Variants in KCNK13 observed in about 807,000 individuals in gnomAD.
KCNK13 encodes potassium channel subfamily K member 13.
A neutral mutation model predicts 23.4 loss-of-function variants in KCNK13; 12 were observed. The ratio of observed to expected loss-of-function variants is 0.51; its 90% CI spans 0.33 to 0.83. KCNK13 has a LOEUF of 0.83. Among genes scored for constraint, KCNK13 ranks in the 40% least tolerant of loss-of-function variants. The probability of loss-of-function intolerance (pLI) is 0.02; values close to 1 mark genes in which losing one functional copy is unlikely to be tolerated. For synonymous variants in KCNK13, 231 were observed against 229.5 expected (o/e 1.01, Z -0.06); for missense variants, 463 against 556.3 (o/e 0.83, Z 1.69).
intron 1 of KCNK13, among the ~76,000 whole-genome samples, chr14:90,069,030 C>CTTTTTT (rs34881625): frequency 1.9e-4 from 17 of 90,116 alleles, no homozygotes; most frequent in East Asian, 3.6e-4. Context: ...AGTTTTTATT[C>CTTTTTT]TTTTTTTTTT....
At chr14:90,126,480 G>C (rs978517625) in intron 1 of KCNK13, among the ~76,000 whole-genome samples, 7 of 151,998 alleles carry the variant, frequency 4.6e-5, no homozygotes, top group African/African-American at 1.5e-4. Flanking sequence ...GACGTGATGA[G>C]AATAGCACTT....
intron 1 of KCNK13, among the ~76,000 whole-genome samples, chr14:90,149,425 C>T (rs1192491439): frequency 6.6e-6 from 1 of 152,196 alleles, no homozygotes; most frequent in African/African-American, 2.4e-5. Context: ...GCCTCACAAT[C>T]ATGGTAGAAG....
At chr14:90,108,017 G>T in intron 1 of KCNK13, 1 of 675,054 alleles carries the variant, frequency 1.5e-6, no homozygotes, top group South Asian at 1.5e-5. Flanking sequence ...GCCACACGCT[G>T]ACTTTCCTCC....
intron 1 of KCNK13, among the ~76,000 whole-genome samples, chr14:90,115,046 T>A (rs1352164038): frequency 2.0e-5 from 3 of 152,198 alleles, no homozygotes; most frequent in Non-Finnish European, 4.4e-5. Context: ...AAATCACTTC[T>A]ACCAACCCAA....
chr14:90,116,656 C>T (rs1160368518), intron 1 of KCNK13, among the ~76,000 whole-genome samples: 1 of 152,104 alleles, frequency 6.6e-6, no homozygotes, highest in African/African-American at 2.4e-5. Context: ...GCGTGAGCTT[C>T]GGGTTTGCAA....
At chr14:90,158,239 G>A (rs937342679) in intron 1 of KCNK13, among the ~76,000 whole-genome samples, 2 of 152,230 alleles carry the variant, frequency 1.3e-5, no homozygotes, top group African/African-American at 4.8e-5. Context: ...GGCTGGCCTG[G>A]TGTTCCATCT....
At chr14:90,177,161 C>T (rs1200950558) in intron 1 of KCNK13, 1 of 152,258 alleles carries the variant, frequency 6.6e-6, no homozygotes, top group Admixed American at 6.5e-5. Context: ...CGCAACTGCA[C>T]TCCAGCCTGA....
chr14:90,153,707 A>G (rs1890162071), intron 1 of KCNK13, among the ~76,000 whole-genome samples: 1 of 152,214 alleles, frequency 6.6e-6, no homozygotes, highest in African/African-American at 2.4e-5. Context: ...GGAGTACTGA[A>G]AAGGGATCAT....
chr14:90,175,274 T>C (rs770885919), intron 1 of KCNK13, among the ~76,000 whole-genome samples: 2 of 152,156 alleles, frequency 1.3e-5, no homozygotes, highest in Non-Finnish European at 2.9e-5. Flanking sequence ...TTTCCATGCT[T>C]GTGGGTTTGG....
At chr14:90,094,116 C>T (rs2140402610) in intron 1 of KCNK13, among the ~76,000 whole-genome samples, 1 of 152,282 alleles carries the variant, frequency 6.6e-6, no homozygotes, top group Admixed American at 6.5e-5. Context: ...GTCTCTATCT[C>T]ATTCCCCTGT....
intron 1 of KCNK13, among the ~76,000 whole-genome samples, chr14:90,095,518 G>A (rs950547145): frequency 3.3e-5 from 5 of 151,746 alleles, no homozygotes; most frequent in African/African-American, 1.2e-4. Flanking sequence ...TTTCAGATGT[G>A]TTTGGGTGAA....
intron 1 of KCNK13, among the ~76,000 whole-genome samples, chr14:90,124,718 C>T (rs1345646375): frequency 6.6e-6 from 1 of 152,212 alleles, no homozygotes; most frequent in Non-Finnish European, 1.5e-5. Context: ...TTTTAGCTTG[C>T]TGAGACCCAG....
intron 1 of KCNK13, among the ~76,000 whole-genome samples, chr14:90,130,731 T>C (rs528619804): frequency 6.6e-6 from 1 of 152,172 alleles, no homozygotes; most frequent in South Asian, 2.1e-4. Context: ...GGAGAATCAC[T>C]TGAACCCGGG....
chr14:90,083,860 T>C (rs371808608), intron 1 of KCNK13, among the ~76,000 whole-genome samples: 29 of 152,370 alleles, frequency 1.9e-4, no homozygotes, highest in Middle Eastern at 3.4e-3. Flanking sequence ...ATCCAGTTGT[T>C]CCAGCATCAT....
chr14:90,085,718 TTA>T (rs1277125776), intron 1 of KCNK13, among the ~76,000 whole-genome samples: 1 of 139,680 alleles, frequency 7.2e-6, no homozygotes, highest in Non-Finnish European at 1.5e-5. Flanking sequence ...TTATATATAC[TTA>T]TATATAATAT....
At chr14:90,089,989 G>T (rs1889323184) in intron 1 of KCNK13, among the ~76,000 whole-genome samples, 1 of 152,234 alleles carries the variant, frequency 6.6e-6, no homozygotes, top group Non-Finnish European at 1.5e-5. Context: ...AAGGGGCGGG[G>T]CTCTCATGGA....
chr14:90,150,274 G>A (rs1455394762), intron 1 of KCNK13, among the ~76,000 whole-genome samples: 1 of 152,088 alleles, frequency 6.6e-6, no homozygotes, highest in Admixed American at 6.6e-5. Context: ...AACCTGGGAA[G>A]TCTGGTTATA....
At chr14:90,143,146 ACTTT>A (rs577709163) in intron 1 of KCNK13, among the ~76,000 whole-genome samples, 28 of 115,790 alleles carry the variant, frequency 2.4e-4, no homozygotes, top group African/African-American at 8.5e-4. Flanking sequence ...AAGAGCAGAA[ACTTT>A]CTTTCTTTCT....
chr14:90,096,246 G>C (rs1889409092), intron 1 of KCNK13, among the ~76,000 whole-genome samples: 1 of 152,124 alleles, frequency 6.6e-6, no homozygotes, highest in African/African-American at 2.4e-5. Context: ...GGAGGTTGCG[G>C]TGTGGGGCTT....
Sources: allele counts gnomAD v4.1 joint callset (sites outside exome capture counted in the v4.1 genomes callset), GRCh38; gene constraint gnomAD v4.1.1; transcripts MANE v1.5; gene names NCBI Gene and HGNC (gene_info 2026-07-23, HGNC 2026-07-21).